Variants in ANO6 observed in about 807,000 individuals in gnomAD.
The protein encoded by ANO6 is anoctamin-6.
Under a neutral mutation model 117.5 loss-of-function variants are expected in ANO6, and 106 were observed. The ratio of observed to expected loss-of-function variants is 0.90; its 90% CI spans 0.77 to 1.06. ANO6 has a LOEUF of 1.06. Ranked by LOEUF, ANO6 falls within the 50% of genes least tolerant of loss-of-function variation. The probability of loss-of-function intolerance (pLI) is 0.00; values close to 1 mark genes in which losing one functional copy is unlikely to be tolerated. For synonymous variants in ANO6, 367 were observed against 385.1 expected (o/e 0.95, Z 0.55); for missense variants, 955 against 1,121.1 (o/e 0.85, Z 2.12).
rs146120428 is a variant in ANO6 at position 45,330,919 on chromosome 12, A to C, written c.151-376A>C. Among the ~76,000 whole-genome samples the C allele has an allele frequency of 4.1e-4, 62 of 152,004 alleles. 1 individual carries two copies. The East Asian group carries it at 0.011, about 28-fold the overall frequency. On this transcript the variant is annotated intron_variant, in intron 2 of 19. Coordinates refer to ENST00000320560, the MANE Select transcript of ANO6 (RefSeq NM_001025356.3). Reference sequence around the variant, plus strand: ...TTTCATCAACAGTGCTTTGTCTTAGATTTTTCTTCTTGTTAAATAAACTTC... The same window carrying C: ...TTTCATCAACAGTGCTTTGTCTTAGCTTTTTCTTCTTGTTAAATAAACTTC...
At chr12:45,244,600 A>G (rs1947797361) in intron 1 of ANO6, among the ~76,000 whole-genome samples, 1 of 152,138 alleles carries the variant, frequency 6.6e-6, no homozygotes, top group Admixed American at 6.5e-5. Flanking sequence ...TAAAACTGGG[A>G]TAATTATGGT....
intron 7 of ANO6, among the ~76,000 whole-genome samples, chr12:45,352,533 A>G (rs2137460314): frequency 6.8e-6 from 1 of 146,692 alleles, no homozygotes; most frequent in South Asian, 2.3e-4. Context: ...TCAAGGCCAG[A>G]CTGAGCAGCA....
intron 16 of ANO6, among the ~76,000 whole-genome samples, chr12:45,410,733 T>C (rs1304632861): frequency 5.3e-5 from 8 of 152,230 alleles, no homozygotes; most frequent in Admixed American, 5.2e-4. Context: ...AGACACCCCT[T>C]TGTGGTTCCT....
chr12:45,290,869 T>C (rs1443878662), intron 1 of ANO6, among the ~76,000 whole-genome samples: 1 of 152,176 alleles, frequency 6.6e-6, no homozygotes, highest in Non-Finnish European at 1.5e-5. Context: ...AGAGGATTCA[T>C]GGGTTCTGAT....
At chr12:45,371,083 CAAAG>C (rs1941817376) in intron 9 of ANO6, among the ~76,000 whole-genome samples, 4 of 152,192 alleles carry the variant, frequency 2.6e-5, no homozygotes, top group Admixed American at 2.6e-4. Flanking sequence ...CTTTCCTAGT[CAAAG>C]AAAGGGGTGA....
chr12:45,429,294 C>T lies in ANO6; in HGVS notation c.2716C>T (p.Arg906Trp), dbSNP rs770032692. ...GATAGAAGCAGTAGATAACAATTTA[C>T]GGCCAAAATCAGAATAAGAGCTTTA... ...RMIEAVDNNL[R>W]PKSE Residue 906 changes from arginine to tryptophan, a missense_variant, in exon 20 of 20, where the codon CGG becomes TGG. Arg to Trp is a moderately radical substitution (Grantham distance 101). Coordinates refer to ENST00000320560, the MANE Select transcript of ANO6 (RefSeq NM_001025356.3). 1.6e-5 allele frequency: 26 copies of T among 1,613,328 alleles called. No homozygotes were observed. The highest frequency in any genetic ancestry group is 2.2e-5 in the South Asian group (2 of 91,052).
intron 17 of ANO6, among the ~76,000 whole-genome samples, chr12:45,419,571 T>C (rs1274086369): frequency 6.6e-6 from 1 of 152,206 alleles, no homozygotes; most frequent in African/African-American, 2.4e-5. Flanking sequence ...CTAATTGTTT[T>C]TTCTTGCTTT....
At chr12:45,288,417 T>G (rs1210784796) in intron 1 of ANO6, among the ~76,000 whole-genome samples, 2 of 151,668 alleles carry the variant, frequency 1.3e-5, no homozygotes, top group African/African-American at 4.9e-5. Context: ...CCCCTTCTCC[T>G]GGCAACCTCC....
At chr12:45,385,465 C>A (rs1371652858) in intron 10 of ANO6, among the ~76,000 whole-genome samples, 1 of 152,110 alleles carries the variant, frequency 6.6e-6, no homozygotes, top group Non-Finnish European at 1.5e-5. Flanking sequence ...CAAGGGGATG[C>A]AGAACCTTGG....
chr12:45,296,654 A>G (rs747211554), intron 1 of ANO6, among the ~76,000 whole-genome samples: 6 of 152,190 alleles, frequency 3.9e-5, no homozygotes, highest in Non-Finnish European at 7.3e-5. Context: ...ATCTAACATC[A>G]GGAGTTCTTT....
intron 12 of ANO6, among the ~76,000 whole-genome samples, chr12:45,400,178 A>G (rs1942745626): frequency 6.6e-6 from 1 of 152,194 alleles, no homozygotes; most frequent in South Asian, 2.1e-4. Context: ...ATATTATACT[A>G]CCTTCCTCAC....
At chr12:45,438,246 CGTGT>C (rs1943730238) in intron 19 of ANO6, among the ~76,000 whole-genome samples, 1 of 125,258 alleles carries the variant, frequency 8.0e-6, no homozygotes, top group East Asian at 2.4e-4. Flanking sequence ...CACATATTTG[CGTGT>C]ATGTGTGTGT....
At chr12:45,275,504 G>A (rs546104811) in intron 1 of ANO6, among the ~76,000 whole-genome samples, 31 of 152,238 alleles carry the variant, frequency 2.0e-4, no homozygotes, top group East Asian at 1.2e-3. Flanking sequence ...CACCATGCCC[G>A]GCCTGTCTGT....
rs998780269 is a variant in ANO6 at position 45,314,285 on chromosome 12, G to A, written c.150+12192G>A. ...TGTGTTTATATAACATTTAAAAGATGACCATAATGTACACCCAGGTTTAAG... is the reference window on the plus strand; with the variant it reads ...TGTGTTTATATAACATTTAAAAGATAACCATAATGTACACCCAGGTTTAAG... On this transcript the variant is annotated intron_variant, in intron 2 of 19. Transcript: ENST00000320560. Among the ~76,000 whole-genome samples the A allele has an allele frequency of 6.6e-5, 10 of 151,892 alleles. No individual in the cohort carries two copies. The South Asian group carries it at 1.9e-3, about 28-fold the overall frequency.
chr12:45,317,420 C>T (rs944471437), intron 2 of ANO6, among the ~76,000 whole-genome samples: 4 of 151,356 alleles, frequency 2.6e-5, no homozygotes, highest in African/African-American at 9.7e-5. Context: ...TGGTTTCCAG[C>T]TTCAACCATG....
intron 2 of ANO6, among the ~76,000 whole-genome samples, chr12:45,317,107 T>TTATGTGTGTGTGTATATATATATATATA (rs1185224135): frequency 2.4e-4 from 3 of 12,494 alleles, no homozygotes; most frequent in African/African-American, 2.7e-4. Context: ...TGGATTCTTT[T>TTATGTGTGTGTGTATATATATATATATA]TATATGTATA....
intron 17 of ANO6, among the ~76,000 whole-genome samples, chr12:45,419,522 C>G (rs1943302347): frequency 6.6e-6 from 1 of 152,152 alleles, no homozygotes; most frequent in Admixed American, 6.5e-5. Flanking sequence ...AATGACAAAG[C>G]TGGTTCTAGT....
At chr12:45,289,150 T>G (rs911972463) in intron 1 of ANO6, among the ~76,000 whole-genome samples, 1 of 146,362 alleles carries the variant, frequency 6.8e-6, no homozygotes, top group African/African-American at 2.5e-5. Context: ...TGAATTATTT[T>G]TATTTTATTA....
At chr12:45,270,202 C>T (rs2137231723) in intron 1 of ANO6, among the ~76,000 whole-genome samples, 1 of 152,296 alleles carries the variant, frequency 6.6e-6, no homozygotes, top group Non-Finnish European at 1.5e-5. Flanking sequence ...CCTGAAACGA[C>T]CTTTCAGAGG....
Sources: gnomAD v4.1 joint callset for allele counts (sites outside exome capture counted in the v4.1 genomes callset) on GRCh38, gnomAD v4.1.1 for gene constraint, MANE v1.5 for transcripts, NCBI Gene and HGNC (gene_info 2026-07-23, HGNC 2026-07-21) for gene names.